BICD1: variants seen among roughly 807,000 people sequenced by gnomAD.
BICD1 encodes BICD cargo adaptor 1.
In BICD1, 35 loss-of-function variants were observed where a neutral mutation model predicts 92.5. That is an observed-to-expected ratio of 0.38 (90% CI 0.29 to 0.50). BICD1 has a LOEUF of 0.50. Ranked by LOEUF, BICD1 falls within the 20% of genes least tolerant of loss-of-function variation. The pLI is 0.93. For missense variants in BICD1, 950 were observed against 1,189.8 expected, an observed-to-expected ratio of 0.80 and a Z score of 2.97; for synonymous variants, 429 against 465.1, an observed-to-expected ratio of 0.92 and a Z score of 1.00.
rs1948827628 is a variant in BICD1, at chr12:32,327,892, G to A, written c.1437G>A (p.Lys479=). ...LEKTTKESGE[K]MAHMEKELQK... ...AGACCACCAAGGAGAGTGGTGAGAA[G>A]ATGGCCCACATGGAGAAGGAGTTGC... The change falls in exon 5 of 10, where the codon AAG becomes AAA. Residue 479 remains lysine, a synonymous_variant. Coordinates refer to ENST00000652176, the MANE Select transcript of BICD1 (RefSeq NM_001714.4). 1 of 1,614,072 alleles carries A rather than the reference G, an allele frequency of 6.2e-7. No individual in the cohort carries two copies. Among genetic ancestry groups the A allele is most frequent in the Admixed American group, 1.7e-5 (1 of 60,008 alleles).
chr12:32,373,446 G>A (rs942161282), intron 9 of BICD1, among the ~76,000 whole-genome samples: 1 of 152,022 alleles, frequency 6.6e-6, no homozygotes, highest in Non-Finnish European at 1.5e-5. Flanking sequence ...TCTATCTAAA[G>A]GAATGAAAAA....
intron 1 of BICD1, among the ~76,000 whole-genome samples, chr12:32,202,535 A>G (rs1307793132): frequency 6.6e-6 from 1 of 152,120 alleles, no homozygotes; most frequent in Non-Finnish European, 1.5e-5. Context: ...CATTGTTTTC[A>G]TTTACAGATT....
At chr12:32,363,607 T>C in intron 8 of BICD1, among the ~76,000 whole-genome samples, 1 of 114,410 alleles carries the variant, frequency 8.7e-6, no homozygotes, top group South Asian at 2.7e-4. Context: ...TCAGCCTAGA[T>C]ATCACAACCT....
intron 2 of BICD1, among the ~76,000 whole-genome samples, chr12:32,247,884 A>G (rs1946430473): frequency 6.6e-6 from 1 of 152,222 alleles, no homozygotes; most frequent in South Asian, 2.1e-4. Context: ...CAGGAGTTCA[A>G]GACCAGCCTG....
rs1232640937 is a variant in BICD1, at chr12:32,107,302, A to G, written c.-30A>G. 1 of 1,556,220 alleles carries G rather than the reference A, an allele frequency of 6.4e-7. No individual in the cohort carries two copies. The highest frequency in any genetic ancestry group is 1.3e-5 in the African/African-American group (1 of 74,084). ...TTCGCATCCATCTCCCCCACCCCGTAACCCCCTCCTGCCTCCATCCACCGG... is the reference window on the plus strand; with the variant it reads ...TTCGCATCCATCTCCCCCACCCCGTGACCCCCTCCTGCCTCCATCCACCGG... On this transcript the variant is annotated 5_prime_UTR_variant, in exon 1 of 10. Transcript: ENST00000652176.
At chr12:32,221,710 T>A (rs1945538809) in intron 2 of BICD1, among the ~76,000 whole-genome samples, 1 of 151,864 alleles carries the variant, frequency 6.6e-6, no homozygotes, top group Non-Finnish European at 1.5e-5. Context: ...ATAATAATTT[T>A]ATAAAATACA....
intron 2 of BICD1, among the ~76,000 whole-genome samples, chr12:32,267,685 T>G (rs1439547548): frequency 6.6e-6 from 1 of 152,276 alleles, no homozygotes; most frequent in Non-Finnish European, 1.5e-5. Context: ...TGGTATATTT[T>G]CTTCTAACCC....
chr12:32,107,943 A>C (rs1174233421), intron 1 of BICD1: 5 of 513,940 alleles, frequency 9.7e-6, no homozygotes, highest in African/African-American at 9.6e-5. Context: ...GTGCCTGAGG[A>C]CCCACAATTT....
At chr12:32,149,159 G>A (rs1943211353) in intron 1 of BICD1, among the ~76,000 whole-genome samples, 1 of 152,122 alleles carries the variant, frequency 6.6e-6, no homozygotes. Flanking sequence ...CATGGGATAG[G>A]CCATTTCCAT....
intron 8 of BICD1, chr12:32,339,574 A>T (rs1202618189): frequency 1.0e-6 from 1 of 985,120 alleles, no homozygotes; most frequent in Non-Finnish European, 1.2e-6. Flanking sequence ...ACTATTTTGC[A>T]TTTTTCTTTC....
At chr12:32,134,459 TA>T (rs1156988501) in intron 1 of BICD1, among the ~76,000 whole-genome samples, 1 of 152,210 alleles carries the variant, frequency 6.6e-6, no homozygotes, top group Non-Finnish European at 1.5e-5. Context: ...GGGTGGCAGA[TA>T]CAGGGATACA....
intron 2 of BICD1, among the ~76,000 whole-genome samples, chr12:32,246,310 GA>G (rs398055471): frequency 0.026 from 2,650 of 101,922 alleles, 23 homozygotes; most frequent in Middle Eastern, 0.038. Flanking sequence ...AACCCATCAG[GA>G]AAAAAAAAAA....
In BICD1 at chr12:32,383,063, T is replaced by C. The variant is rs568277076; in HGVS notation, c.*5436T>C. On this transcript the variant is annotated 3_prime_UTR_variant, in exon 10 of 10. Coordinates refer to ENST00000652176, the MANE Select transcript of BICD1 (RefSeq NM_001714.4). ...GTTTTTATTTGCATGATTATGCTTATGTGATGAACCATCCATGATTCTGAT... is the reference window on the plus strand; with the variant it reads ...GTTTTTATTTGCATGATTATGCTTACGTGATGAACCATCCATGATTCTGAT... The C allele has an allele frequency of 2.6e-5, 4 of 152,274 alleles. No homozygotes were observed. Among genetic ancestry groups the C allele is most frequent in the Non-Finnish European group, 4.4e-5 (3 of 67,956 alleles). 9.4% of individuals were successfully genotyped at this position (152,274 alleles called of 1,614,324 possible). A position where few individuals can be genotyped will look rare whatever the true frequency, so the allele number is the denominator to read the frequency against.
At chr12:32,298,357 C>T (rs911474639) in intron 3 of BICD1, among the ~76,000 whole-genome samples, 3 of 150,858 alleles carry the variant, frequency 2.0e-5, no homozygotes, top group African/African-American at 7.3e-5. Flanking sequence ...GTCAGGAGTT[C>T]GAGATCAGTC....
At chr12:32,325,709 T>G (rs68019527) in intron 4 of BICD1, among the ~76,000 whole-genome samples, 10,823 of 152,214 alleles carry the variant, frequency 0.071, 489 homozygotes, top group Non-Finnish European at 0.11. Flanking sequence ...TATCTAATTA[T>G]AATAATTTTA....
intron 9 of BICD1, among the ~76,000 whole-genome samples, chr12:32,371,619 C>T (rs1939742954): frequency 6.6e-6 from 1 of 151,820 alleles, no homozygotes; most frequent in Non-Finnish European, 1.5e-5. Context: ...ACAGAGTCTC[C>T]CTCTGTTGCC....
intron 2 of BICD1, among the ~76,000 whole-genome samples, chr12:32,254,267 G>A (rs1315082762): frequency 1.5e-4 from 21 of 141,030 alleles, no homozygotes; most frequent in East Asian, 4.4e-4. Context: ...ATTCACTGCC[G>A]TATCCCACCT....
At chr12:32,115,003 G>T (rs1024717184) in intron 1 of BICD1, among the ~76,000 whole-genome samples, 1 of 151,482 alleles carries the variant, frequency 6.6e-6, no homozygotes, top group Non-Finnish European at 1.5e-5. Flanking sequence ...ATTTAAGTGG[G>T]TTTTTTTCCT....
At chr12:32,208,995 C>G (rs901349414) in intron 1 of BICD1, among the ~76,000 whole-genome samples, 1 of 151,852 alleles carries the variant, frequency 6.6e-6, no homozygotes, top group Non-Finnish European at 1.5e-5. Flanking sequence ...CCATCACAGC[C>G]GGCTAATTTT....
Sources: allele counts gnomAD v4.1 joint callset (sites outside exome capture counted in the v4.1 genomes callset), GRCh38; gene constraint gnomAD v4.1.1; transcripts MANE v1.5; gene names NCBI Gene and HGNC (gene_info 2026-07-23, HGNC 2026-07-21).